MEIOB: variants seen among roughly 807,000 people sequenced by gnomAD.
The protein encoded by MEIOB is meiosis-specific with OB domain-containing protein.
In MEIOB, 50 loss-of-function variants were observed where a neutral mutation model predicts 53.1. The ratio of observed to expected loss-of-function variants is 0.94; its 90% CI spans 0.75 to 1.19. The LOEUF (loss-of-function observed/expected upper bound fraction) is 1.19. MEIOB is among the 50% of genes most tolerant of loss of function. The pLI is 0.00. For missense variants in MEIOB, 551 were observed against 550.8 expected (o/e 1.00, Z 0.00); for synonymous variants, 192 against 182.5 (o/e 1.05, Z -0.42).
At chr16:1,869,942 G>C (rs1249882284) in intron 1 of MEIOB, among the ~76,000 whole-genome samples, 1 of 146,622 alleles carries the variant, frequency 6.8e-6, no homozygotes, top group Non-Finnish European at 1.5e-5. Flanking sequence ...CACGATCTCA[G>C]CTCACTGCAA....
chr16:1,841,835 A>G lies in MEIOB; in HGVS notation c.1019T>C (p.Val340Ala). 1 of 1,583,404 alleles carries G rather than the reference A, an allele frequency of 6.3e-7. No individual in the cohort carries two copies. Among genetic ancestry groups the G allele is most frequent in the Non-Finnish European group, 8.6e-7 (1 of 1,166,892 alleles). Reference sequence around the variant, plus strand: ...GGATCCTTACCATCTATTTCGAACTACTTTTGTAGTTTCATCATCAATGTT... The same window carrying G: ...GGATCCTTACCATCTATTTCGAACTGCTTTTGTAGTTTCATCATCAATGTT... ...TLNIDDETTK[V>A]VRNRCSSCGY... The change falls in exon 11 of 14, where the codon GTA becomes GCA. Residue 340 changes from valine to alanine, a missense_variant. Val to Ala is a moderately conservative substitution (Grantham distance 64, BLOSUM62 0). Coordinates refer to ENST00000325962, the MANE Select transcript of MEIOB (RefSeq NM_001163560.3).
chr16:1,869,244 C>T (rs1455888543), intron 1 of MEIOB, among the ~76,000 whole-genome samples: 1 of 152,184 alleles, frequency 6.6e-6, no homozygotes, highest in Non-Finnish European at 1.5e-5. Flanking sequence ...TCTGCCTCAG[C>T]CTCCCAAATA....
In MEIOB at chr16:1,834,135, A is replaced by G; in HGVS notation, c.*121T>C. 3.2e-6 allele frequency: 2 copies of G among 619,250 alleles called. No individual in the cohort carries two copies. Among genetic ancestry groups the G allele is most frequent in the Non-Finnish European group, 5.7e-6 (2 of 350,498 alleles). 38.4% of individuals were successfully genotyped at this position (619,250 alleles called of 1,614,324 possible). On this transcript the variant is annotated 3_prime_UTR_variant, in exon 14 of 14. Transcript: ENST00000325962. The stretch of plus-strand genomic sequence containing the variant: ...GACCACCTCCACCATAACAATTTCT[A>G]GAAACATGTTCACCACATGTAAACA...
At chr16:1,838,084 A>G in intron 12 of MEIOB, 1 of 837,094 alleles carries the variant, frequency 1.2e-6, no homozygotes, top group Non-Finnish European at 1.8e-6. Flanking sequence ...GCAGCCTCGA[A>G]CTCCCGGGGT....
Position 1,837,831 on chromosome 16 carries a change from C to T in MEIOB, c.1258G>A (p.Ala420Thr), listed in dbSNP as rs1000653945. The change falls in exon 13 of 14, where the codon GCA (alanine) becomes ACA (threonine). Residue 420 changes from alanine to threonine, a missense_variant. Coordinates refer to ENST00000325962, the MANE Select transcript of MEIOB (RefSeq NM_001163560.3). ...FLAMTDEQKTALKWQFLLERS... is the reference protein window; with the variant it reads ...FLAMTDEQKTTLKWQFLLERS... Reference sequence around the variant, plus strand: ...TCCAAGAGAAATTGCCACTTTAATGCTGTTTTCTGTTCATCTGTCATTGCA... The same window carrying T: ...TCCAAGAGAAATTGCCACTTTAATGTTGTTTTCTGTTCATCTGTCATTGCA... 2.0e-6 allele frequency: 3 copies of T among 1,538,110 alleles called. No homozygotes were observed. The highest frequency in any genetic ancestry group is 2.0e-5 in the Admixed American group (1 of 48,942).
chr16:1,837,788 A>G lies in MEIOB; in HGVS notation c.1301T>C (p.Leu434Ser). Residue 434 changes from leucine (L) to serine (S), a missense_variant, in exon 13 of 14, where the codon TTA (leucine) becomes TCA (serine). Transcript: ENST00000325962. ...GGGACTATAAAATGCACTAACTTTT[A>G]AATAAATTTTGCTTCTTTCCAAGAG... is the stretch of plus-strand genomic sequence containing the variant. The part of the protein sequence containing the change: ...QFLLERSKIY[L>S]KFVLSHRARS... 1 of 1,493,386 alleles carries G rather than the reference A, an allele frequency of 6.7e-7. No individual in the cohort carries two copies. Among genetic ancestry groups the G allele is most frequent in the Non-Finnish European group, 9.1e-7 (1 of 1,102,874 alleles). 92.5% of individuals were successfully genotyped at this position (1,493,386 alleles called of 1,614,324 possible). A position where few individuals can be genotyped will look rare whatever the true frequency, so the allele number is the denominator to read the frequency against.
chr16:1,844,957 G>T lies in MEIOB; in HGVS notation c.785C>A (p.Pro262Gln). Residue 262 changes from proline to glutamine, a missense_variant, in exon 10 of 14, where the codon CCA becomes CAA. Transcript: ENST00000325962. ...KTIITTNPDI[P>Q]EANILLNFIR... ...AAAATTCAGCAGAATGTTAGCTTCT[G>T]GTATATCTTAAATTGAAAATGCATA... The T allele has an allele frequency of 1.4e-6, 2 of 1,459,790 alleles. No homozygotes were observed. Among genetic ancestry groups the T allele is most frequent in the South Asian group, 1.2e-5 (1 of 80,870 alleles). The allele number at this position is 1,459,790 out of a possible 1,614,324, so 90.4% of individuals were successfully genotyped here.
At chr16:1,839,572 TCTA>T (rs1344615488) in intron 11 of MEIOB, 134 bp from the exon 12 acceptor site, 2 of 727,652 alleles carry the variant, frequency 2.7e-6, no homozygotes, top group African/African-American at 3.6e-5. Context: ...TGCTATGCGG[TCTA>T]CAAGACAGTC....
rs778625098 is a variant in MEIOB at position 1,862,078 on chromosome 16, G to A, written c.166C>T (p.Arg56Trp). ...TTTACAAAATGTGCTGGTGAATCCC[G>A]AATGGTGAAGCTGAAAGTGTACCTT... The part of the protein sequence containing the change: ...SERYTFSFTI[R>W]DSPAHFVNAA... The change falls in exon 4 of 14, where the codon CGG becomes TGG. Residue 56 changes from arginine to tryptophan, a missense_variant. Arg to Trp is a moderately radical substitution (Grantham distance 101). Transcript: ENST00000325962. 1.0e-4 allele frequency: 156 copies of A among 1,551,082 alleles called. No individual in the cohort carries two copies. The highest frequency in any genetic ancestry group is 1.3e-4 in the Non-Finnish European group (149 of 1,146,630).
chr16:1,839,614 G>A (rs1235444293), intron 11 of MEIOB, 176 bp from the exon 12 acceptor site: 7 of 569,106 alleles, frequency 1.2e-5, no homozygotes, highest in Middle Eastern at 4.7e-4. Flanking sequence ...CACTTTCTAC[G>A]CAGCCATTCT....
rs774465182 is a variant in MEIOB at position 1,841,914 on chromosome 16, C to A, written c.940G>T (p.Glu314Ter). ...CCATAGGAAGGATCAGCTTTTCCTT[C>A]ATTCTTCAAAGCTTTTCCCTTTAAT... ...EQLKGKALKN[E>*]GKADPSYGIL... The change falls in exon 11 of 14, where the codon GAA becomes TAA. Residue 314 changes from glutamate to a stop codon, truncating the protein, a stop_gained. Transcript: ENST00000325962. LOFTEE classifies it high-confidence loss of function. The A allele has an allele frequency of 3.7e-6, 6 of 1,608,814 alleles. No individual in the cohort carries two copies. Among genetic ancestry groups the A allele is most frequent in the Non-Finnish European group, 5.1e-6 (6 of 1,177,364 alleles).
At chr16:1,842,380 C>G (rs975785588) in intron 10 of MEIOB, among the ~76,000 whole-genome samples, 1 of 148,490 alleles carries the variant, frequency 6.7e-6, no homozygotes, top group Non-Finnish European at 1.5e-5. Flanking sequence ...TTTGGGAGGT[C>G]GAGGTGGGCA....
At chr16:1,869,455 AT>A (rs1265033053) in intron 1 of MEIOB, among the ~76,000 whole-genome samples, 10 of 146,688 alleles carry the variant, frequency 6.8e-5, no homozygotes, top group Admixed American at 3.4e-4. Flanking sequence ...TCAATAGGAC[AT>A]TTTTTTTTTG....
At chr16:1,847,043 T>C (rs575107140) in intron 9 of MEIOB, among the ~76,000 whole-genome samples, 31 of 151,756 alleles carry the variant, frequency 2.0e-4, no homozygotes, top group Non-Finnish European at 1.9e-4. Context: ...TAGTCCCAGC[T>C]ACTCAGGAGG....
intron 2 of MEIOB, among the ~76,000 whole-genome samples, chr16:1,867,226 C>G (rs539235777): frequency 3.0e-4 from 45 of 152,180 alleles, no homozygotes; most frequent in African/African-American, 9.6e-4. Context: ...ACAATAAGTT[C>G]TTTAACTTAT....
At chr16:1,840,342 CTG>C (rs1777501469) in intron 11 of MEIOB, 1 of 152,090 alleles carries the variant, frequency 6.6e-6, no homozygotes, top group African/African-American at 2.4e-5. Flanking sequence ...AATATCTTGA[CTG>C]TGGCAATAGA....
rs557591948 is a variant in MEIOB at position 1,863,266 on chromosome 16, ACT to A, written c.128-1152_128-1151del. On this transcript the variant is annotated intron_variant, in intron 3 of 13. Coordinates refer to ENST00000325962, the MANE Select transcript of MEIOB (RefSeq NM_001163560.3). ...GTTCAGTGACGCGATCTCTCGGCTCACTGCAACCCCTGCCTCCCAGCAGCTGG... is the reference window on the plus strand; with the variant it reads ...GTTCAGTGACGCGATCTCTCGGCTCAGCAACCCCTGCCTCCCAGCAGCTGG... Among the ~76,000 whole-genome samples, 17 of 151,916 alleles carry A rather than the reference ACT, an allele frequency of 1.1e-4. No homozygotes were observed. In the South Asian group the frequency reaches 2.1e-3, roughly 19 times the overall value.
At chr16:1,838,196 C>A in intron 12 of MEIOB, 1 of 466,300 alleles carries the variant, frequency 2.1e-6, no homozygotes, top group South Asian at 5.2e-5. Flanking sequence ...GACAGGGTCT[C>A]ACTATGTTGC....
At chr16:1,853,363 G>C in intron 7 of MEIOB, 92 bp from the exon 8 acceptor site, 1 of 1,058,260 alleles carries the variant, frequency 9.4e-7, no homozygotes, top group South Asian at 1.4e-5. Context: ...GAAAGCTTCA[G>C]TGGCTGGGGT....
Sources: allele counts gnomAD v4.1 joint callset (sites outside exome capture counted in the v4.1 genomes callset), GRCh38; gene constraint gnomAD v4.1.1; transcripts MANE v1.5; gene names NCBI Gene and HGNC (gene_info 2026-07-23, HGNC 2026-07-21).